PSMA2: variants seen among roughly 807,000 people sequenced by gnomAD.
PSMA2 encodes proteasome 20S subunit alpha 2, also known as proteasome subunit alpha type-2.
In PSMA2, 2 loss-of-function variants were observed where a neutral mutation model predicts 35.9. The observed-to-expected ratio is 0.06, with a 90% CI of 0.02 to 0.18. The LOEUF (loss-of-function observed/expected upper bound fraction) is 0.18, where lower values mean the gene tolerates loss of function less well. PSMA2 is among the 10% of genes least tolerant of loss of function. The probability of loss-of-function intolerance (pLI) is 1.00; values close to 1 mark genes in which losing one functional copy is unlikely to be tolerated. For synonymous variants in PSMA2, 97 were observed against 98.2 expected (o/e 0.99, Z 0.07); for missense variants, 126 against 278.8 (o/e 0.45, Z 3.90).
At chr7:42,919,759 G>A in intron 6 of PSMA2, 1 of 629,528 alleles carries the variant, frequency 1.6e-6, no homozygotes, top group African/African-American at 1.8e-5. Context: ...AGAATTTCTT[G>A]TTGCAGGTGG....
chr7:42,919,325 G>A, intron 6 of PSMA2: 1 of 585,572 alleles, frequency 1.7e-6, no homozygotes. Flanking sequence ...GAGATGAACT[G>A]ATGACCCTGG....
chr7:42,917,200 A>C lies in PSMA2; in HGVS notation c.*374T>G, dbSNP rs772357408. 1 of 185,372 alleles carries C rather than the reference A, an allele frequency of 5.4e-6. No homozygotes were observed. Among genetic ancestry groups the C allele is most frequent in the African/African-American group, 2.4e-5 (1 of 41,812 alleles). 11.5% of individuals were successfully genotyped at this position (185,372 alleles called of 1,614,324 possible). On this transcript the variant is annotated 3_prime_UTR_variant, in exon 8 of 8. Coordinates refer to ENST00000223321, the MANE Select transcript of PSMA2 (RefSeq NM_002787.5). ...GATCCTCCCAGCTCTAGAAGCAGTCATGTTTTTTACCAAAATCAGCATTTT... is the reference window on the plus strand; with the variant it reads ...GATCCTCCCAGCTCTAGAAGCAGTCCTGTTTTTTACCAAAATCAGCATTTT...
At chr7:42,919,106 G>A in intron 6 of PSMA2, 5 of 410,376 alleles carry the variant, frequency 1.2e-5, no homozygotes, top group South Asian at 8.8e-5. Flanking sequence ...TTACAGGCGT[G>A]AGCCACTGCG....
intron 3 of PSMA2, 44 bp from the exon 4 acceptor site, chr7:42,924,841 A>G: frequency 6.4e-7 from 1 of 1,566,232 alleles, no homozygotes; most frequent in Non-Finnish European, 8.7e-7. Context: ...AACATGCTCT[A>G]CTACCTGAAG....
Position 42,925,779 on chromosome 7 carries a change from T to G in PSMA2, c.251+757A>C, listed in dbSNP as rs547937592. On this transcript the variant is annotated intron_variant, in intron 3 of 7. Transcript: ENST00000223321. ...GTTTATCCTATCAGTGGCAGCACAA[T>G]GCAGTATCCAGCCTATATAGTGGTG... 9.8e-5 allele frequency among the ~76,000 whole-genome samples: 15 copies of G among 152,338 alleles called. No individual in the cohort carries two copies. In the South Asian group the frequency reaches 2.7e-3, roughly 27 times the overall value.
chr7:42,931,143 C>T (rs1786302550), intron 1 of PSMA2: 1 of 454,428 alleles, frequency 2.2e-6, no homozygotes, highest in Non-Finnish European at 4.4e-6. Flanking sequence ...GCGGTTAGTT[C>T]ATCTGTAAGA....
chr7:42,923,037 G>A (rs186842072), intron 5 of PSMA2, among the ~76,000 whole-genome samples: 263 of 152,214 alleles, frequency 1.7e-3, no homozygotes, highest in Middle Eastern at 3.4e-3. Flanking sequence ...AGTATTTCCC[G>A]AAGTAACAGG....
intron 3 of PSMA2, 94 bp downstream of exon 3, chr7:42,926,442 G>A (rs1786218453): frequency 7.2e-7 from 1 of 1,380,462 alleles, no homozygotes; most frequent in African/African-American, 1.5e-5. Context: ...GGAACTGGAA[G>A]ATTAAAGGAA....
At chr7:42,929,498 C>T (rs1786263365) in intron 1 of PSMA2, among the ~76,000 whole-genome samples, 1 of 152,198 alleles carries the variant, frequency 6.6e-6, no homozygotes, top group African/African-American at 2.4e-5. Context: ...TGAAAGCTCA[C>T]TAACCTGTGA....
At chr7:42,930,796 C>A (rs78303624) in intron 1 of PSMA2, among the ~76,000 whole-genome samples, 1,544 of 151,824 alleles carry the variant, frequency 0.01, 26 homozygotes, top group African/African-American at 0.035. Context: ...AGCCCAAGAG[C>A]TGGAGGCTGC....
chr7:42,918,418 T>G (rs1430535924), intron 6 of PSMA2: 2 of 152,206 alleles, frequency 1.3e-5, no homozygotes, highest in Non-Finnish European at 2.9e-5. Flanking sequence ...ATCAGAACTT[T>G]GCTAAAATCT....
chr7:42,920,926 C>T (rs1051161822), intron 6 of PSMA2: 3 of 152,092 alleles, frequency 2.0e-5, no homozygotes, highest in African/African-American at 7.2e-5. Flanking sequence ...TGCATGTTGT[C>T]ACTCATATGT....
In PSMA2 at chr7:42,917,559, T is replaced by G. The variant is rs750441285; in HGVS notation, c.*15A>C. 1 of 1,583,558 alleles carries G rather than the reference T, an allele frequency of 6.3e-7. No individual in the cohort carries two copies. The highest frequency in any genetic ancestry group is 1.1e-5 in the South Asian group (1 of 89,414). On this transcript the variant is annotated 3_prime_UTR_variant, in exon 8 of 8. Coordinates refer to ENST00000223321, the MANE Select transcript of PSMA2 (RefSeq NM_002787.5). ...TAGATTATCTGAAATTCTGGATTTTTCAGTCACTTCATTGTTATGCTATGG... is the reference window on the plus strand; with the variant it reads ...TAGATTATCTGAAATTCTGGATTTTGCAGTCACTTCATTGTTATGCTATGG...
intron 2 of PSMA2, 46 bp downstream of exon 2, chr7:42,927,337 G>A (rs1267532678): frequency 6.7e-7 from 1 of 1,495,300 alleles, no homozygotes; most frequent in East Asian, 2.3e-5. Context: ...AAAATAATTA[G>A]GATAACTACT....
chr7:42,920,203 A>C, intron 6 of PSMA2: 2 of 302,918 alleles, frequency 6.6e-6, no homozygotes, highest in Non-Finnish European at 1.3e-5. Flanking sequence ...GCAATAAATA[A>C]TGAGGAATAT....
chr7:42,926,626 G>T lies in PSMA2; in HGVS notation c.161C>A (p.Ser54Tyr). ...TACACTTCGCTCATCATACAGAATG[G>T]ATTTCTGTTTTTTCTCAGTTGCTAA... Reference protein sequence around the residue: ...VVLATEKKQKSILYDERSVHK... With the variant: ...VVLATEKKQKYILYDERSVHK... Residue 54 changes from serine (S) to tyrosine (Y), a missense_variant, in exon 3 of 8, where the codon TCC (serine) becomes TAC (tyrosine). Ser to Tyr is a moderately radical substitution (Grantham distance 144, BLOSUM62 -2). This residue lies in a region of PSMA2 where 78 missense variants were observed against 151.1 expected (regional missense o/e 0.52). Transcript: ENST00000223321. The T allele has an allele frequency of 6.2e-7, 1 of 1,611,090 alleles. No homozygotes were observed. Among genetic ancestry groups the T allele is most frequent in the South Asian group, 1.1e-5 (1 of 90,452 alleles).
chr7:42,922,981 T>C (rs183102874), intron 5 of PSMA2, among the ~76,000 whole-genome samples: 88 of 152,334 alleles, frequency 5.8e-4, no homozygotes, highest in Middle Eastern at 6.8e-3. Flanking sequence ...ATTCAACTGA[T>C]GGCAAACACT....
rs112532447 is a variant in PSMA2, at chr7:42,927,456, C to T, written c.45G>A (p.Pro15=). The change falls in exon 2 of 8, where the codon CCG becomes CCA. Residue 15 remains proline (P), a synonymous_variant. Coordinates refer to ENST00000223321, the MANE Select transcript of PSMA2 (RefSeq NM_002787.5). ...ATTCAATCTGGACAAGTTTACCAGA[C>T]GGGCTTAAAAGAAACACAGGTATTT... The part of the protein sequence containing the change: ...GYSFSLTTFS[P]SGKLVQIEYA... 137 of 1,613,934 alleles carry T rather than the reference C, an allele frequency of 8.5e-5. No individual in the cohort carries two copies. In the Admixed American group the frequency reaches 1.1e-3, roughly 14 times the overall value.
At chr7:42,926,436 C>T in intron 3 of PSMA2, 100 bp downstream of exon 3, 3 of 1,352,144 alleles carry the variant, frequency 2.2e-6, no homozygotes, top group Non-Finnish European at 2.9e-6. Context: ...AAAAGAGGAA[C>T]TGGAAGATTA....
Sources: allele counts gnomAD v4.1 joint callset (sites outside exome capture counted in the v4.1 genomes callset), GRCh38; gene constraint gnomAD v4.1.1; regional missense constraint gnomAD v4.1.1; transcripts MANE v1.5; gene names NCBI Gene and HGNC (gene_info 2026-07-23, HGNC 2026-07-21).